Variants in OPHN1 observed in about 807,000 individuals in gnomAD.
OPHN1 encodes the protein oligophrenin-1.
A neutral mutation model predicts 60.7 loss-of-function variants in OPHN1; 11 were observed. That is an observed-to-expected ratio of 0.18 (90% CI 0.11 to 0.30). The LOEUF (loss-of-function observed/expected upper bound fraction) is 0.30. Among genes scored for constraint, OPHN1 ranks in the 10% least tolerant of loss-of-function variants. The probability of loss-of-function intolerance (pLI) is 1.00; values close to 1 mark genes in which losing one functional copy is unlikely to be tolerated. For missense variants in OPHN1, 449 were observed against 611.0 expected (o/e 0.73, Z 2.80); for synonymous variants, 226 against 222.6 (o/e 1.02, Z -0.14).
chrX:68,419,289 T>C (rs1198532558), intron 2 of OPHN1, among the ~76,000 whole-genome samples: 1 of 109,165 alleles, frequency 9.2e-6, no homozygotes, highest in African/African-American at 3.3e-5. Flanking sequence ...GCTGGGATTA[T>C]GGCCTTTCTC....
chrX:68,226,539 A>T (rs1199974200), intron 6 of OPHN1, among the ~76,000 whole-genome samples: 1 of 112,106 alleles, frequency 8.9e-6, no homozygotes, highest in Non-Finnish European at 1.9e-5. Context: ...TTCTCGGCAG[A>T]AACTCTACAA....
chrX:68,227,760 G>A (rs1052409015), intron 6 of OPHN1, among the ~76,000 whole-genome samples: 1 of 111,158 alleles, frequency 9.0e-6, no homozygotes. Context: ...AGAGCAGTGT[G>A]TAGAGGGAAA....
At chrX:68,136,671 C>T (rs1294753500) in intron 15 of OPHN1, among the ~76,000 whole-genome samples, 1 of 111,573 alleles carries the variant, frequency 9.0e-6, no homozygotes, top group Admixed American at 9.6e-5. Flanking sequence ...TTGTGCATTA[C>T]TTTCTTCATC....
At chrX:68,095,357 T>C (rs1490099850) in intron 19 of OPHN1, among the ~76,000 whole-genome samples, 1 of 112,114 alleles carries the variant, frequency 8.9e-6, no homozygotes, top group Non-Finnish European at 1.9e-5. Context: ...TGTTTCCATA[T>C]TGTCTATGGC....
At chrX:68,272,492 A>G (rs924915639) in intron 5 of OPHN1, among the ~76,000 whole-genome samples, 2 of 112,467 alleles carry the variant, frequency 1.8e-5, no homozygotes, top group African/African-American at 6.5e-5. Context: ...TGACAGTCCT[A>G]TAAGATTATA....
chrX:68,390,696 A>C (rs2078649327), intron 2 of OPHN1, among the ~76,000 whole-genome samples: 1 of 112,183 alleles, frequency 8.9e-6, no homozygotes, highest in South Asian at 3.7e-4. Flanking sequence ...TATAATGGTG[A>C]TCAAGACGTA....
At chrX:68,288,006 G>C (rs2078053350) in intron 3 of OPHN1, among the ~76,000 whole-genome samples, 1 of 111,483 alleles carries the variant, frequency 9.0e-6, no homozygotes, top group African/African-American at 3.3e-5. Context: ...TTAAGTTGCT[G>C]AGTCAAGAAA....
intron 2 of OPHN1, among the ~76,000 whole-genome samples, chrX:68,378,714 G>C (rs1393467871): frequency 1.8e-5 from 2 of 111,520 alleles, no homozygotes; most frequent in East Asian, 2.8e-4. Context: ...GCTTGTTTTT[G>C]TGAGGTTTGT....
chrX:68,140,208 A>G (rs1015825816), intron 15 of OPHN1, among the ~76,000 whole-genome samples: 1 of 111,876 alleles, frequency 8.9e-6, no homozygotes, highest in Non-Finnish European at 1.9e-5. Flanking sequence ...GGGTCACTGG[A>G]TACAGAGTCC....
rs144376633 is a variant in OPHN1 at position 68,180,466 on chromosome X, T to C, written c.1276+12453A>G. Reference sequence around the variant, plus strand: ...ATTTAATGACAAGATAAAAATACTTTCAATAAGAATGATATGGCTACTAAG... The same window carrying C: ...ATTTAATGACAAGATAAAAATACTTCCAATAAGAATGATATGGCTACTAAG... On this transcript the variant is annotated intron_variant, in intron 15 of 24. Coordinates refer to ENST00000355520, the MANE Select transcript of OPHN1 (RefSeq NM_002547.3). 3.5e-3 allele frequency among the ~76,000 whole-genome samples: 390 copies of C among 111,948 alleles called. 1 individual carries two copies. The highest frequency in any genetic ancestry group is 5.6e-3 in the Non-Finnish European group (300 of 53,225).
chrX:68,231,534 G>A (rs1373685339), intron 6 of OPHN1, among the ~76,000 whole-genome samples: 1 of 111,448 alleles, frequency 9.0e-6, no homozygotes, highest in African/African-American at 3.3e-5. Flanking sequence ...CCAAAATTCA[G>A]AAGAAACCAA....
At chrX:68,231,674 T>G (rs935937989) in intron 6 of OPHN1, among the ~76,000 whole-genome samples, 1 of 111,440 alleles carries the variant, frequency 9.0e-6, no homozygotes, top group Non-Finnish European at 1.9e-5. Context: ...TGCATCTTGC[T>G]AACTACAAGA....
At chrX:68,239,003 A>G (rs1246618057) in intron 5 of OPHN1, among the ~76,000 whole-genome samples, 1 of 111,404 alleles carries the variant, frequency 9.0e-6, no homozygotes, top group Admixed American at 9.6e-5. Context: ...GAAAAATCAG[A>G]TCATACATGG....
At chrX:68,239,158 T>C (rs1169752135) in intron 5 of OPHN1, among the ~76,000 whole-genome samples, 1 of 61,657 alleles carries the variant, frequency 1.6e-5, no homozygotes, top group Non-Finnish European at 3.3e-5. Flanking sequence ...GCCTCTCCTC[T>C]GACCGCCCTC....
At chrX:68,089,115 A>C (rs1007730570) in intron 19 of OPHN1, among the ~76,000 whole-genome samples, 2 of 111,386 alleles carry the variant, frequency 1.8e-5, no homozygotes, top group Non-Finnish European at 3.8e-5. Flanking sequence ...TTGGCCTATC[A>C]CCAGACTGCT....
chrX:68,363,252 C>T (rs894106442), intron 2 of OPHN1, among the ~76,000 whole-genome samples: 6 of 109,967 alleles, frequency 5.5e-5, no homozygotes, highest in African/African-American at 1.6e-4. Context: ...ATCTCAAAGA[C>T]AAATTTTTTT....
chrX:68,406,622 A>G (rs1306468266), intron 2 of OPHN1, among the ~76,000 whole-genome samples: 2 of 111,634 alleles, frequency 1.8e-5, no homozygotes, highest in Non-Finnish European at 3.8e-5. Context: ...CAAAAAAAAA[A>G]TTAAATTCCT....
intron 19 of OPHN1, among the ~76,000 whole-genome samples, chrX:68,086,369 A>C (rs1372459098): frequency 9.0e-6 from 1 of 111,600 alleles, no homozygotes; most frequent in South Asian, 3.8e-4. Context: ...CTGCTGACCC[A>C]GAAGACTGAC....
intron 2 of OPHN1, among the ~76,000 whole-genome samples, chrX:68,311,149 C>T: frequency 9.0e-6 from 1 of 110,769 alleles, no homozygotes; most frequent in Non-Finnish European, 1.9e-5. Flanking sequence ...GCCTGTAGTC[C>T]CCAGCTAAGG....
Sources: gnomAD v4.1 joint callset for allele counts (sites outside exome capture counted in the v4.1 genomes callset) on GRCh38, gnomAD v4.1.1 for gene constraint, MANE v1.5 for transcripts, NCBI Gene and HGNC (gene_info 2026-07-23, HGNC 2026-07-21) for gene names.